Variants in FRMPD1 observed in about 807,000 individuals in gnomAD.
The protein encoded by FRMPD1 is FERM and PDZ domain-containing protein 1.
A neutral mutation model predicts 117.8 loss-of-function variants in FRMPD1; 76 were observed. That is an observed-to-expected ratio of 0.65 (90% CI 0.54 to 0.78). The LOEUF is 0.78. Among genes scored for constraint, FRMPD1 ranks in the 30% least tolerant of loss-of-function variants. FRMPD1 has a pLI of 0.00. For synonymous variants in FRMPD1, 783 were observed against 770.4 expected, an observed-to-expected ratio of 1.02 and a Z score of -0.27; for missense variants, 1,786 against 1,964.5, an observed-to-expected ratio of 0.91 and a Z score of 1.72.
At chr9:37,607,977 G>T in the FRMPD1 span, among the ~76,000 whole-genome samples, 2 of 152,206 alleles carry the variant, frequency 1.3e-5, no homozygotes, top group African/African-American at 4.8e-5. Flanking sequence ...GAAGACATGG[G>T]TCGTGGCTTT....
At chr9:37,642,804 AC>A in the FRMPD1 span, among the ~76,000 whole-genome samples, 1 of 152,332 alleles carries the variant, frequency 6.6e-6, no homozygotes, top group African/African-American at 2.4e-5. Flanking sequence ...TAATATAATT[AC>A]TAAAATGTTA....
At position 37,745,071 on chromosome 9, in the gene FRMPD1, C is replaced by T. The variant is rs909335014; in HGVS notation, c.3039C>T (p.Phe1013=). The T allele has an allele frequency of 6.2e-7, 1 of 1,613,916 alleles. No individual in the cohort carries two copies. Among genetic ancestry groups the T allele is most frequent in the African/African-American group, 1.3e-5 (1 of 74,926 alleles). ...CCATAGAGCATGGAGACAGCTCCTT[C>T]TCCCTCTCCAGTGGTGACCCTAACC... The part of the protein sequence containing the change: ...EPTIEHGDSS[F]SLSSGDPNPD... Residue 1013 remains phenylalanine (F), a synonymous_variant, in exon 16 of 16, where the codon TTC becomes TTT. Coordinates refer to ENST00000377765, the MANE Select transcript of FRMPD1 (RefSeq NM_014907.3).
intron 14 of FRMPD1, among the ~76,000 whole-genome samples, chr9:37,739,781 A>T (rs1365082799): frequency 6.6e-6 from 1 of 152,196 alleles, no homozygotes; most frequent in Non-Finnish European, 1.5e-5. Context: ...ACAAAGAGGA[A>T]TCAAAGTAAA....
At chr9:37,713,009 G>A (rs892774836) in intron 5 of FRMPD1, among the ~76,000 whole-genome samples, 7 of 151,786 alleles carry the variant, frequency 4.6e-5, no homozygotes, top group Non-Finnish European at 7.4e-5. Context: ...AACATAAAAG[G>A]AGATACATAC....
chr9:37,636,854 A>C, the FRMPD1 span: 1 of 1,611,498 alleles, frequency 6.2e-7, no homozygotes, highest in South Asian at 1.1e-5. Flanking sequence ...CGTCTCCAAG[A>C]AGGGGATGCC....
intron 1 of FRMPD1, among the ~76,000 whole-genome samples, chr9:37,680,058 C>A (rs1434554193): frequency 6.6e-6 from 1 of 152,200 alleles, no homozygotes; most frequent in Non-Finnish European, 1.5e-5. Context: ...CAGTCTTCTA[C>A]TAGGAGTGGC....
the FRMPD1 span, among the ~76,000 whole-genome samples, chr9:37,621,407 G>T: frequency 3.3e-5 from 5 of 152,182 alleles, no homozygotes; most frequent in African/African-American, 1.2e-4. Context: ...TCGAAGGATA[G>T]AATGACTGGA....
the FRMPD1 span, among the ~76,000 whole-genome samples, chr9:37,621,464 T>C: frequency 6.6e-6 from 1 of 152,184 alleles, no homozygotes; most frequent in South Asian, 2.1e-4. Context: ...GTGTGCTAAG[T>C]GCCGCTCATG....
chr9:37,681,026 A>G (rs1392133101), intron 1 of FRMPD1, among the ~76,000 whole-genome samples: 1 of 152,054 alleles, frequency 6.6e-6, no homozygotes, highest in Non-Finnish European at 1.5e-5. Context: ...CTGGGGCAAC[A>G]TAGCAAGACC....
chr9:37,677,135 G>T (rs1165245230), intron 1 of FRMPD1, among the ~76,000 whole-genome samples: 1 of 152,198 alleles, frequency 6.6e-6, no homozygotes, highest in Non-Finnish European at 1.5e-5. Context: ...CCCATGGCCA[G>T]CAACAAGTCT....
At chr9:37,636,662 C>T in the FRMPD1 span, 7 of 1,462,832 alleles carry the variant, frequency 4.8e-6, no homozygotes, top group Non-Finnish European at 4.6e-6. Context: ...GAAGGTGCCC[C>T]CTCCTGTCCC....
chr9:37,624,722 T>A, the FRMPD1 span, among the ~76,000 whole-genome samples: 2 of 152,336 alleles, frequency 1.3e-5, no homozygotes, highest in East Asian at 3.9e-4. Flanking sequence ...ATTTTTGGTG[T>A]GAATCACTGA....
At chr9:37,650,688 C>T (rs1223288555), upstream of FRMPD1, among the ~76,000 whole-genome samples, 5 of 152,160 alleles carry the variant, frequency 3.3e-5, no homozygotes, top group East Asian at 5.8e-4. Context: ...AGTCTCCCCC[C>T]TGGGTACTCA....
At chr9:37,658,227 C>G in intron 1 of FRMPD1, among the ~76,000 whole-genome samples, 1 of 152,094 alleles carries the variant, frequency 6.6e-6, no homozygotes, top group South Asian at 2.1e-4. Flanking sequence ...AGCCTCACTT[C>G]GGAATCTATA....
intron 5 of FRMPD1, among the ~76,000 whole-genome samples, chr9:37,717,759 A>T (rs1362464911): frequency 1.3e-5 from 2 of 152,078 alleles, no homozygotes; most frequent in Non-Finnish European, 2.9e-5. Flanking sequence ...GGAAAACTTG[A>T]TATTTGACCA....
At chr9:37,667,062 C>CTTTTTTTTTTTTTT (rs573955616) in intron 1 of FRMPD1, among the ~76,000 whole-genome samples, 2,849 of 110,768 alleles carry the variant, frequency 0.026, 306 homozygotes, top group African/African-American at 0.064. Context: ...TTGAAGCATG[C>CTTTTTTTTTTTTTT]TTTTTTTTTT....
At chr9:37,627,426 C>T in the FRMPD1 span, among the ~76,000 whole-genome samples, 1 of 152,180 alleles carries the variant, frequency 6.6e-6, no homozygotes, top group Admixed American at 6.5e-5. Context: ...GAGTTAGAGT[C>T]CTCTCCTTTC....
At chr9:37,729,615 T>A (rs1823772997) in intron 7 of FRMPD1, 113 bp from the exon 8 acceptor site, 1 of 1,078,786 alleles carries the variant, frequency 9.3e-7, no homozygotes. Context: ...AAGTCAGCAG[T>A]GGGCATGTCA....
intron 6 of FRMPD1, among the ~76,000 whole-genome samples, chr9:37,723,944 A>G (rs572592733): frequency 6.6e-6 from 1 of 152,228 alleles, no homozygotes; most frequent in Non-Finnish European, 1.5e-5. Context: ...AGTTGCAGTG[A>G]GCCAAGATTG....
Sources: allele counts gnomAD v4.1 joint callset (sites outside exome capture counted in the v4.1 genomes callset), GRCh38; gene constraint gnomAD v4.1.1; transcripts MANE v1.5; gene names NCBI Gene and HGNC (gene_info 2026-07-23, HGNC 2026-07-21).